Variants in DNM2 observed in about 807,000 individuals in gnomAD.
DNM2 encodes the protein dynamin 2.
In DNM2, 15 loss-of-function variants were observed where a neutral mutation model predicts 99.0. The ratio of observed to expected loss-of-function variants is 0.15; its 90% CI spans 0.10 to 0.23. The LOEUF (loss-of-function observed/expected upper bound fraction) is 0.23, where lower values mean the gene tolerates loss of function less well. Among genes scored for constraint, DNM2 ranks in the 10% least tolerant of loss-of-function variants. The pLI, the probability that DNM2 is intolerant of heterozygous loss-of-function variation, is 1.00. For synonymous variants in DNM2, 525 were observed against 481.2 expected (o/e 1.09, Z -1.19); for missense variants, 742 against 1,189.4 (o/e 0.62, Z 5.53).
rs139562815 is a variant in DNM2 at position 10,796,789 on chromosome 19, G to A, written c.1197-591G>A. Among the ~76,000 whole-genome samples, 659 of 152,058 alleles carry A rather than the reference G, an allele frequency of 4.3e-3. 4 individuals carry two copies. The highest frequency in any genetic ancestry group is 0.015 in the African/African-American group (613 of 41,486). On this transcript the variant is annotated intron_variant, in intron 9 of 20. Coordinates refer to ENST00000389253, the MANE Select transcript of DNM2 (RefSeq NM_001005361.3). This position sits in a 1 kb window ranked among gnomAD's most constrained non-coding sequence, Gnocchi z 5.6. ...AGTCACAGTGCCTCTATGCGCTCTC[G>A]ACGAGCCACTGCCTCCACTCAGCAG...
At chr19:10,749,431 A>T (rs1341712633) in intron 1 of DNM2, among the ~76,000 whole-genome samples, 1 of 152,148 alleles carries the variant, frequency 6.6e-6, no homozygotes, top group Non-Finnish European at 1.5e-5. Context: ...TGGAGCGCTT[A>T]TCCCCTTCCA....
Position 10,795,669 on chromosome 19 carries a change from T to C in DNM2, c.1196+230T>C. On this transcript the variant is annotated intron_variant, in intron 9 of 20. Coordinates refer to ENST00000389253, the MANE Select transcript of DNM2 (RefSeq NM_001005361.3). The surrounding 1 kb of genome is among the most constrained non-coding windows in gnomAD (Gnocchi z 4.2). ...CTTCAGGGCTGTCTGCAGCTCCTGATCAAATAGGGCTTAGTTCCTGCCCAG... is the reference window on the plus strand; with the variant it reads ...CTTCAGGGCTGTCTGCAGCTCCTGACCAAATAGGGCTTAGTTCCTGCCCAG... 1.7e-6 allele frequency: 1 copy of C among 599,738 alleles called. No individual in the cohort carries two copies. Among genetic ancestry groups the C allele is most frequent in the Non-Finnish European group, 3.0e-6 (1 of 337,234 alleles). 37.2% of individuals were successfully genotyped at this position (599,738 alleles called of 1,614,324 possible). A position where few individuals can be genotyped will look rare whatever the true frequency, so the allele number is the denominator to read the frequency against.
At chr19:10,809,890 AATTAGTTGGCCTC>A (rs2072481144) in intron 14 of DNM2, 1 of 152,074 alleles carries the variant, frequency 6.6e-6, no homozygotes. Context: ...TGACGGGAGG[AATTAGTTGGCCTC>A]GGGCTTGTGG....
At chr19:10,809,165 A>G (rs565774308) in intron 14 of DNM2, 1 of 152,608 alleles carries the variant, frequency 6.6e-6, no homozygotes, top group Non-Finnish European at 1.5e-5. Flanking sequence ...CTCCTGTTCT[A>G]TAGCAGATGT....
At chr19:10,782,855 C>T (rs1474299345) in intron 5 of DNM2, 105 bp from the exon 6 acceptor site, 2 of 1,511,352 alleles carry the variant, frequency 1.3e-6, no homozygotes, top group African/African-American at 1.4e-5. Context: ...CTGTGAGTGC[C>T]TCGTGGGACA....
intron 1 of DNM2, among the ~76,000 whole-genome samples, chr19:10,757,596 G>T (rs532254607): frequency 6.6e-6 from 1 of 152,144 alleles, no homozygotes; most frequent in African/African-American, 2.4e-5. Context: ...CAATTGCCCT[G>T]TGTCCTGTAC....
At position 10,811,235 on chromosome 19, in the gene DNM2, CAGCCACCAAGGAGCCGCTGG is replaced by C; in HGVS notation, c.1558-1025_1558-1006del. ...CCACCTGGGGCTTAGCACTCACATC[CAGCCACCAAGGAGCCGCTGG>C]AGCTGTGGGCTGGTGGCCCTGGTTC... On this transcript the variant is annotated intron_variant, in intron 14 of 20. Coordinates refer to ENST00000389253, the MANE Select transcript of DNM2 (RefSeq NM_001005361.3). The surrounding 1 kb of genome is among the most constrained non-coding windows in gnomAD (Gnocchi z 5.4). The C allele has an allele frequency of 5.5e-6, 1 of 183,382 alleles. No individual in the cohort carries two copies. Among genetic ancestry groups the C allele is most frequent in the South Asian group, 9.8e-5 (1 of 10,206 alleles). 11.4% of individuals were successfully genotyped at this position (183,382 alleles called of 1,614,324 possible). A position where few individuals can be genotyped will look rare whatever the true frequency, so the allele number is the denominator to read the frequency against.
chr19:10,724,549 C>T (rs1288835727), intron 1 of DNM2, among the ~76,000 whole-genome samples: 1 of 152,108 alleles, frequency 6.6e-6, no homozygotes, highest in Non-Finnish European at 1.5e-5. Flanking sequence ...GGAAGGAACC[C>T]CTGGAGACGG....
Position 10,796,340 on chromosome 19 carries a change from C to A in DNM2, c.1196+901C>A. On this transcript the variant is annotated intron_variant, in intron 9 of 20. Coordinates refer to ENST00000389253, the MANE Select transcript of DNM2 (RefSeq NM_001005361.3). This position sits in a 1 kb window ranked among gnomAD's most constrained non-coding sequence, Gnocchi z 5.6. Reference sequence around the variant, plus strand: ...CTTTGTGTCCGTGAACTTGGCCTCTCCCCAGAGGCTGGGGCAGGAGCATGT... The same window carrying A: ...CTTTGTGTCCGTGAACTTGGCCTCTACCCAGAGGCTGGGGCAGGAGCATGT... 1 of 1,302,070 alleles carries A rather than the reference C, an allele frequency of 7.7e-7. No individual in the cohort carries two copies. Among genetic ancestry groups the A allele is most frequent in the African/African-American group, 1.5e-5 (1 of 68,634 alleles). The allele number at this position is 1,302,070 out of a possible 1,614,324, so 80.7% of individuals were successfully genotyped here. A position where few individuals can be genotyped will look rare whatever the true frequency, so the allele number is the denominator to read the frequency against.
intron 16 of DNM2, among the ~76,000 whole-genome samples, chr19:10,822,695 C>T (rs1387726859): frequency 2.0e-5 from 3 of 151,400 alleles, no homozygotes; most frequent in Non-Finnish European, 4.4e-5. Flanking sequence ...GACGGGGTTT[C>T]ACCATGTTGG....
At chr19:10,828,883 C>CCACTT (rs1418983722) in intron 18 of DNM2, 153 bp from the exon 19 acceptor site, 1 of 745,300 alleles carries the variant, frequency 1.3e-6, no homozygotes, top group African/African-American at 1.7e-5. Flanking sequence ...TGAAATTGAG[C>CCACTT]CACTGTACTC....
intron 2 of DNM2, among the ~76,000 whole-genome samples, chr19:10,770,266 G>A (rs765062407): frequency 4.6e-5 from 7 of 152,106 alleles, no homozygotes; most frequent in Non-Finnish European, 7.3e-5. Flanking sequence ...TGTTATTCAC[G>A]TCGCCAGGTC....
intron 1 of DNM2, among the ~76,000 whole-genome samples, chr19:10,745,419 T>G (rs1227151262): frequency 6.6e-6 from 1 of 152,202 alleles, no homozygotes; most frequent in African/African-American, 2.4e-5. Flanking sequence ...GGTGTTGATA[T>G]TCTAGTTGGG....
intron 18 of DNM2, among the ~76,000 whole-genome samples, chr19:10,828,310 G>A (rs1405003718): frequency 6.6e-6 from 1 of 151,802 alleles, no homozygotes; most frequent in Non-Finnish European, 1.5e-5. Context: ...AGGATTGGCT[G>A]GGCGCGGTGG....
intron 12 of DNM2, among the ~76,000 whole-genome samples, chr19:10,804,357 T>A (rs1205825329): frequency 6.6e-6 from 1 of 152,100 alleles, no homozygotes; most frequent in Non-Finnish European, 1.5e-5. Flanking sequence ...TGTGCTTGAA[T>A]GTTCTGGGCT....
chr19:10,743,071 G>A (rs558466877), intron 1 of DNM2, among the ~76,000 whole-genome samples: 50 of 151,912 alleles, frequency 3.3e-4, no homozygotes, highest in Middle Eastern at 3.4e-3. Context: ...GTGCCACCAC[G>A]CCCGGCTAAT....
chr19:10,743,070 C>T (rs370449582), intron 1 of DNM2, among the ~76,000 whole-genome samples: 29 of 152,064 alleles, frequency 1.9e-4, no homozygotes, highest in East Asian at 9.8e-4. Context: ...TGTGCCACCA[C>T]GCCCGGCTAA....
Position 10,811,819 on chromosome 19 carries a change from C to T in DNM2, c.1558-445C>T, listed in dbSNP as rs1328349156. 7 of 517,102 alleles carry T rather than the reference C, an allele frequency of 1.4e-5. No homozygotes were observed. Among genetic ancestry groups the T allele is most frequent in the Non-Finnish European group, 2.3e-5 (6 of 259,314 alleles). The allele number at this position is 517,102 out of a possible 1,614,324, so 32.0% of individuals were successfully genotyped here. On this transcript the variant is annotated intron_variant, in intron 14 of 20. Coordinates refer to ENST00000389253, the MANE Select transcript of DNM2 (RefSeq NM_001005361.3). This position sits in a 1 kb window ranked among gnomAD's most constrained non-coding sequence, Gnocchi z 5.4. Reference sequence around the variant, plus strand: ...CTTGCAGCCAGCTTGGGACATGAGCCGCGCTCCTTCAATGTCCTTGGGGAG... The same window carrying T: ...CTTGCAGCCAGCTTGGGACATGAGCTGCGCTCCTTCAATGTCCTTGGGGAG...
chr19:10,741,217 A>G (rs947094057), intron 1 of DNM2, among the ~76,000 whole-genome samples: 1 of 151,980 alleles, frequency 6.6e-6, no homozygotes, highest in Non-Finnish European at 1.5e-5. Context: ...GAAGTCTCCA[A>G]CTTTCTTTCT....
Sources: gnomAD v4.1 joint callset for allele counts (sites outside exome capture counted in the v4.1 genomes callset) on GRCh38, gnomAD v4.1.1 for gene constraint, Gnocchi (gnomAD v3.1) non-coding constraint, MANE v1.5 for transcripts, NCBI Gene and HGNC (gene_info 2026-07-23, HGNC 2026-07-21) for gene names.